ADD2: variants seen among roughly 807,000 people sequenced by gnomAD.
ADD2 encodes adducin 2.
In ADD2, 23 loss-of-function variants were observed where a neutral mutation model predicts 83.0. That is an observed-to-expected ratio of 0.28 (90% CI 0.20 to 0.39). The LOEUF (loss-of-function observed/expected upper bound fraction) is 0.39. Among genes scored for constraint, ADD2 ranks in the 10% least tolerant of loss-of-function variants. The probability of loss-of-function intolerance (pLI) is 1.00; values close to 1 mark genes in which losing one functional copy is unlikely to be tolerated. For synonymous variants in ADD2, 375 were observed against 375.4 expected (o/e 1.00, Z 0.01); for missense variants, 758 against 944.9 (o/e 0.80, Z 2.59).
At chr2:70,695,571 T>C (rs1671265554) in intron 6 of ADD2, 150 bp downstream of exon 6, 1 of 687,072 alleles carries the variant, frequency 1.5e-6, no homozygotes, top group Non-Finnish European at 2.5e-6. Flanking sequence ...CTCTGGACAC[T>C]TAGTTTGTTC....
chr2:70,675,779 G>T (rs1224773330), intron 13 of ADD2: 1 of 985,320 alleles, frequency 1.0e-6, no homozygotes, highest in African/African-American at 1.7e-5. Context: ...AGTCAACCGA[G>T]AATCCAAGAC....
At chr2:70,707,691 GGC>G (rs1438572045) in intron 2 of ADD2, among the ~76,000 whole-genome samples, 3 of 152,238 alleles carry the variant, frequency 2.0e-5, no homozygotes, top group Non-Finnish European at 4.4e-5. Context: ...CTCAGCAGAA[GGC>G]AGCATGTACT....
intron 1 of ADD2, among the ~76,000 whole-genome samples, chr2:70,723,144 G>T (rs146584685): frequency 6.6e-6 from 1 of 152,250 alleles, no homozygotes; most frequent in African/African-American, 2.4e-5. Flanking sequence ...TGGCATTAAG[G>T]GCCTAGGAAT....
At position 70,661,160 on chromosome 2, in the gene ADD2, T is replaced by C. The variant is rs1421025579; in HGVS notation, c.*2265A>G. On this transcript the variant is annotated 3_prime_UTR_variant, in exon 16 of 16. Coordinates refer to ENST00000264436, the MANE Select transcript of ADD2 (RefSeq NM_001617.4). ...TAGAGTGTGTTGAATGCAGAGGCAA[T>C]CAACATCACCCCCGAAGTAGAACAA... 3.3e-5 allele frequency: 5 copies of C among 152,096 alleles called. No individual in the cohort carries two copies. The highest frequency in any genetic ancestry group is 1.2e-4 in the African/African-American group (5 of 41,412). 9.4% of individuals were successfully genotyped at this position (152,096 alleles called of 1,614,324 possible).
At chr2:70,669,121 A>C (rs1366629469) in intron 15 of ADD2, among the ~76,000 whole-genome samples, 2 of 152,230 alleles carry the variant, frequency 1.3e-5, no homozygotes, top group African/African-American at 4.8e-5. Context: ...ACGGGTGCTC[A>C]AAGAACAGAG....
chr2:70,693,861 A>C (rs1235308955), intron 6 of ADD2, among the ~76,000 whole-genome samples: 1 of 152,044 alleles, frequency 6.6e-6, no homozygotes, highest in Non-Finnish European at 1.5e-5. Context: ...CCACAGCCTA[A>C]TACAGCAGCC....
intron 6 of ADD2, among the ~76,000 whole-genome samples, chr2:70,694,101 C>T (rs1439761367): frequency 6.6e-6 from 1 of 152,220 alleles, no homozygotes; most frequent in Non-Finnish European, 1.5e-5. Flanking sequence ...CCACACACAG[C>T]AGCCCTATGT....
chr2:70,707,709 T>C (rs1553374781), intron 2 of ADD2, among the ~76,000 whole-genome samples: 1 of 152,246 alleles, frequency 6.6e-6, no homozygotes, highest in Non-Finnish European at 1.5e-5. Flanking sequence ...GTACTTTGGC[T>C]GAACAATAAT....
At position 70,669,782 on chromosome 2, in the gene ADD2, T is replaced by C. The variant is rs577907389; in HGVS notation, c.1870+3096A>G. Among the ~76,000 whole-genome samples the C allele has an allele frequency of 1.1e-4, 16 of 152,272 alleles. No individual in the cohort carries two copies. In the East Asian group the frequency reaches 3.1e-3, roughly 29 times the overall value. On this transcript the variant is annotated intron_variant, in intron 15 of 15. Transcript: ENST00000264436. Reference sequence around the variant, plus strand: ...GTTTTGGGAGCCTTATACCACCATGTATAAAGTCCAACAACCCTGATGGAA... The same window carrying C: ...GTTTTGGGAGCCTTATACCACCATGCATAAAGTCCAACAACCCTGATGGAA...
chr2:70,675,977 G>A (rs540198133), intron 13 of ADD2: 1 of 985,438 alleles, frequency 1.0e-6, no homozygotes, highest in African/African-American at 1.7e-5. Flanking sequence ...GGGGTTGGGG[G>A]GAGGTAAGTG....
chr2:70,672,741 C>T (rs1286179214), intron 15 of ADD2, 137 bp downstream of exon 15: 7 of 970,226 alleles, frequency 7.2e-6, no homozygotes, highest in Non-Finnish European at 8.9e-6. Context: ...ACTTGATAAC[C>T]CCTATTTCTG....
chr2:70,684,516 T>C (rs1432252463), intron 9 of ADD2, among the ~76,000 whole-genome samples: 3 of 152,240 alleles, frequency 2.0e-5, no homozygotes, highest in African/African-American at 7.2e-5. Context: ...CCCAATGTGC[T>C]GGGATTACAG....
chr2:70,717,764 C>CA (rs2104427413), intron 1 of ADD2: 1 of 152,362 alleles, frequency 6.6e-6, no homozygotes, highest in East Asian at 1.9e-4. Flanking sequence ...TAAATGAAGA[C>CA]AGTTGAATAA....
At chr2:70,686,432 C>T (rs1670731010) in intron 9 of ADD2, among the ~76,000 whole-genome samples, 2 of 152,196 alleles carry the variant, frequency 1.3e-5, no homozygotes, top group South Asian at 4.1e-4. Flanking sequence ...AAGCCCACAG[C>T]TCTGCCCTTG....
In ADD2 at chr2:70,683,636, C is replaced by A; in HGVS notation, c.1080G>T (p.Leu360=). Residue 360 remains leucine, a synonymous_variant, in exon 10 of 16, where the codon CTG becomes CTT. Transcript: ENST00000264436. ...STFGPMQKSR[L]GEHEFEALMR... ...TGAGGGCCTCAAACTCATGCTCCCC[C>A]AGCCGACTCTTCTGCATAGGCCCAA... 1.2e-6 allele frequency: 2 copies of A among 1,614,042 alleles called. No homozygotes were observed. The highest frequency in any genetic ancestry group is 8.5e-7 in the Non-Finnish European group (1 of 1,179,924).
intron 1 of ADD2, among the ~76,000 whole-genome samples, chr2:70,724,628 C>G (rs527817587): frequency 6.6e-6 from 1 of 152,366 alleles, no homozygotes; most frequent in Admixed American, 6.5e-5. Flanking sequence ...CTGCCAGGCT[C>G]TCTGCTTTTG....
chr2:70,657,523 G>C lies in ADD2; in HGVS notation c.*5902C>G, dbSNP rs375203923. ...TATCAATCAATCACCCACAAAGCAG[G>C]ACCAACAGGTGTGAGGTGGAGTGGA... On this transcript the variant is annotated 3_prime_UTR_variant, in exon 16 of 16. Coordinates refer to ENST00000264436, the MANE Select transcript of ADD2 (RefSeq NM_001617.4). 1 of 152,246 alleles carries C rather than the reference G, an allele frequency of 6.6e-6. No homozygotes were observed. Among genetic ancestry groups the C allele is most frequent in the African/African-American group, 2.4e-5 (1 of 41,540 alleles). The allele number at this position is 152,246 out of a possible 1,614,324, so 9.4% of individuals were successfully genotyped here. A position where few individuals can be genotyped will look rare whatever the true frequency, so the allele number is the denominator to read the frequency against.
intron 1 of ADD2, among the ~76,000 whole-genome samples, chr2:70,730,713 T>C (rs1553379147): frequency 6.6e-6 from 1 of 152,250 alleles, no homozygotes. Flanking sequence ...ATTTGGTCAA[T>C]GACAGACCAC....
chr2:70,729,423 T>C (rs987298416), intron 1 of ADD2, among the ~76,000 whole-genome samples: 3 of 152,194 alleles, frequency 2.0e-5, no homozygotes, highest in Admixed American at 6.5e-5. Context: ...ATTCCCTCGG[T>C]TGGAACACTT....
Sources: allele counts gnomAD v4.1 joint callset (sites outside exome capture counted in the v4.1 genomes callset), GRCh38; gene constraint gnomAD v4.1.1; transcripts MANE v1.5; gene names NCBI Gene and HGNC (gene_info 2026-07-23, HGNC 2026-07-21).